The following TRIM16 variants were observed in gnomAD, a reference collection of about 807,000 sequenced individuals.
TRIM16 encodes tripartite motif-containing protein 16.
A neutral mutation model predicts 50.4 loss-of-function variants in TRIM16; 33 were observed. The ratio of observed to expected loss-of-function variants is 0.65; its 90% CI spans 0.50 to 0.88. The LOEUF is 0.88. Among genes scored for constraint, TRIM16 ranks in the 40% least tolerant of loss-of-function variants. TRIM16 has a pLI of 0.00. For synonymous variants in TRIM16, 229 were observed against 270.7 expected (o/e 0.85, Z 1.51); for missense variants, 581 against 686.8 (o/e 0.85, Z 1.72).
Position 15,651,369 on chromosome 17 carries a change from G to A in TRIM16, c.241C>T (p.Leu81Phe). ...EGKEVLCDFC[L>F]DDTRRVKAVK... ...GCCTTCACTCTTCTGGTGTCATCAAGGCAGAAGTCACACAGGACCTCTTTC... is the reference window on the plus strand; with the variant it reads ...GCCTTCACTCTTCTGGTGTCATCAAAGCAGAAGTCACACAGGACCTCTTTC... Residue 81 changes from leucine to phenylalanine, a missense_variant, in exon 7 of 12, where the codon CTT becomes TTT. Transcript: ENST00000649191. 6.2e-7 allele frequency: 1 copy of A among 1,614,212 alleles called. No homozygotes were observed. Among genetic ancestry groups the A allele is most frequent in the Non-Finnish European group, 8.5e-7 (1 of 1,180,038 alleles).
chr17:15,629,756 A>G (rs1424632347), intron 11 of TRIM16, among the ~76,000 whole-genome samples: 1 of 152,188 alleles, frequency 6.6e-6, no homozygotes, highest in African/African-American at 2.4e-5. Context: ...CATTTCTGAC[A>G]TTTGTTTTGC....
Position 15,633,649 on chromosome 17 carries a change from TC to T in TRIM16, c.850-976del, listed in dbSNP as rs1986550974. Among the ~76,000 whole-genome samples the T allele has an allele frequency of 6.2e-5, 9 of 145,656 alleles. 1 individual carries two copies. The South Asian group carries it at 2.0e-3, about 33-fold the overall frequency. On this transcript the variant is annotated intron_variant, in intron 9 of 11. Coordinates refer to ENST00000649191, the MANE Select transcript of TRIM16 (RefSeq NM_001348119.1). ...CTTGCCTGCTAGGTTCAAGCGATTC[TC>T]CTGCCTCAGCCTCCCAAGTGGCTGG...
In TRIM16 at chr17:15,670,550, C is replaced by A. The variant is rs532686124; in HGVS notation, c.-338+6626G>T. 5.2e-3 allele frequency among the ~76,000 whole-genome samples: 789 copies of A among 152,242 alleles called. 1 individual carries two copies. The highest frequency in any genetic ancestry group is 8.8e-3 in the Non-Finnish European group (597 of 68,022). Reference sequence around the variant, plus strand: ...TCCACTGCCCTCACCCCAAATAGCACGGGCATATCATTTAACCTTTCCAGA... The same window carrying A: ...TCCACTGCCCTCACCCCAAATAGCAAGGGCATATCATTTAACCTTTCCAGA... On this transcript the variant is annotated intron_variant, in intron 6 of 11. Coordinates refer to ENST00000649191, the MANE Select transcript of TRIM16 (RefSeq NM_001348119.1).
At chr17:15,653,547 T>A (rs914797979) in intron 6 of TRIM16, among the ~76,000 whole-genome samples, 2 of 152,226 alleles carry the variant, frequency 1.3e-5, no homozygotes. Flanking sequence ...TGCAGATGGC[T>A]TCTCCTATGT....
chr17:15,660,453 A>G (rs1003291419), intron 6 of TRIM16, among the ~76,000 whole-genome samples: 3 of 152,188 alleles, frequency 2.0e-5, no homozygotes, highest in Non-Finnish European at 4.4e-5. Flanking sequence ...GCTGAAAACC[A>G]GATGGTTAAA....
intron 8 of TRIM16, among the ~76,000 whole-genome samples, chr17:15,640,713 A>T (rs1409374482): frequency 6.7e-6 from 1 of 149,120 alleles, no homozygotes; most frequent in Admixed American, 6.6e-5. Flanking sequence ...ACCATTTGGG[A>T]GCGGGGGCAA....
chr17:15,663,434 C>T (rs1055582506), intron 6 of TRIM16, among the ~76,000 whole-genome samples: 1 of 152,130 alleles, frequency 6.6e-6, no homozygotes, highest in Non-Finnish European at 1.5e-5. Context: ...GGAATTCCAC[C>T]TTCCCTTCTA....
At position 15,628,973 on chromosome 17, in the gene TRIM16, C is replaced by T; in HGVS notation, c.1337G>A (p.Cys446Tyr). The T allele has an allele frequency of 6.2e-7, 1 of 1,614,184 alleles. No individual in the cohort carries two copies. Among genetic ancestry groups the T allele is most frequent in the Non-Finnish European group, 8.5e-7 (1 of 1,180,044 alleles). ...FGAGTYVGLT[C>Y]KGIDRKGEER... ...CTCCCCTTTCCGGTCGATGCCTTTG[C>T]AGGTCAGGCCAACATAGGTGCCTGC... The change falls in exon 12 of 12, where the codon TGC (cysteine) becomes TAC (tyrosine). Residue 446 changes from cysteine to tyrosine, a missense_variant. Around this residue, in one of 3 missense-constraint regions of TRIM16, gnomAD observed 450 missense variants for 544.3 expected, o/e 0.83. Transcript: ENST00000649191.
rs570299488 is a variant in TRIM16, at chr17:15,636,929, T to C, written c.616-660A>G. Among the ~76,000 whole-genome samples the C allele has an allele frequency of 1.5e-4, 23 of 149,808 alleles. 1 individual carries two copies. The highest frequency in any genetic ancestry group is 2.1e-4 in the South Asian group (1 of 4,656). ...TGGGGCACATGCATGTGGACTCTTT[T>C]GCATGGTAAGCATCCTCTATGAATG... On this transcript the variant is annotated intron_variant, in intron 8 of 11. Coordinates refer to ENST00000649191, the MANE Select transcript of TRIM16 (RefSeq NM_001348119.1).
intron 3 of TRIM16, among the ~76,000 whole-genome samples, 162 bp downstream of exon 3, chr17:15,682,692 A>G (rs369317392): frequency 2.3e-4 from 35 of 152,210 alleles, no homozygotes; most frequent in African/African-American, 7.9e-4. Flanking sequence ...CTCCATACCT[A>G]TTTCTTTCTT....
intron 9 of TRIM16, among the ~76,000 whole-genome samples, chr17:15,633,540 CTTTT>C (rs555202357): frequency 1.6e-5 from 2 of 128,684 alleles, no homozygotes; most frequent in Non-Finnish European, 3.4e-5. Flanking sequence ...AAATAAATAT[CTTTT>C]TTTTTTTTTT....
At position 15,631,613 on chromosome 17, in the gene TRIM16, A is replaced by C; in HGVS notation, c.1111+6T>G. 6.2e-7 allele frequency: 1 copy of C among 1,613,958 alleles called. No homozygotes were observed. The highest frequency in any genetic ancestry group is 8.5e-7 in the Non-Finnish European group (1 of 1,179,854). Reference sequence around the variant, plus strand: ...ACTGGAGAAGCGGGTGCCGTTCACAACTTACATTGGAGGAACTGTTCCCTG... The same window carrying C: ...ACTGGAGAAGCGGGTGCCGTTCACACCTTACATTGGAGGAACTGTTCCCTG... On this transcript the variant is annotated splice_donor_region_variant and intron_variant, in intron 11 of 11. Transcript: ENST00000649191.
chr17:15,628,561 A>T lies in TRIM16; in HGVS notation c.*54T>A. 1 of 1,501,360 alleles carries T rather than the reference A, an allele frequency of 6.7e-7. No individual in the cohort carries two copies. 93.0% of individuals were successfully genotyped at this position (1,501,360 alleles called of 1,614,324 possible). A position where few individuals can be genotyped will look rare whatever the true frequency, so the allele number is the denominator to read the frequency against. On this transcript the variant is annotated 3_prime_UTR_variant, in exon 12 of 12. Coordinates refer to ENST00000649191, the MANE Select transcript of TRIM16 (RefSeq NM_001348119.1). ...TATTTCTGCCCCCAAATCACCCTAAAATGCAAATCCCATCACTGTAGCTGG... is the reference window on the plus strand; with the variant it reads ...TATTTCTGCCCCCAAATCACCCTAATATGCAAATCCCATCACTGTAGCTGG...
At chr17:15,677,537 C>T in intron 5 of TRIM16, 38 bp downstream of exon 5, 2 of 1,038,040 alleles carry the variant, frequency 1.9e-6, no homozygotes, top group Non-Finnish European at 2.3e-6. Flanking sequence ...CAAAGGTATC[C>T]TGAAAGGTCA....
chr17:15,656,174 C>T (rs1244795052), intron 6 of TRIM16, among the ~76,000 whole-genome samples: 1 of 152,084 alleles, frequency 6.6e-6, no homozygotes, highest in Non-Finnish European at 1.5e-5. Context: ...CCACTAGGCC[C>T]AAGCTCTGAT....
chr17:15,665,484 A>G (rs933140924), intron 6 of TRIM16, among the ~76,000 whole-genome samples: 6 of 152,220 alleles, frequency 3.9e-5, no homozygotes, highest in Non-Finnish European at 7.3e-5. Flanking sequence ...ACTCCAGCCT[A>G]GGCGAGAGTG....
At position 15,631,606 on chromosome 17, in the gene TRIM16, G is replaced by A. The variant is rs752744304; in HGVS notation, c.1111+13C>T. ...ATCAACAACTGGAGAAGCGGGTGCCGTTCACAACTTACATTGGAGGAACTG... is the reference window on the plus strand; with the variant it reads ...ATCAACAACTGGAGAAGCGGGTGCCATTCACAACTTACATTGGAGGAACTG... On this transcript the variant is annotated intron_variant, in intron 11 of 11. Transcript: ENST00000649191. 24 of 1,613,672 alleles carry A rather than the reference G, an allele frequency of 1.5e-5. No homozygotes were observed. The highest frequency in any genetic ancestry group is 8.3e-5 in the Admixed American group (5 of 60,000).
chr17:15,683,276 A>C (rs1456469580), intron 1 of TRIM16, 119 bp from the exon 2 acceptor site: 2 of 809,938 alleles, frequency 2.5e-6, no homozygotes, highest in Non-Finnish European at 3.8e-6. Context: ...CTAAAGCTAA[A>C]CTCAAGAACT....
At chr17:15,648,253 A>C (rs1987510800) in intron 7 of TRIM16, among the ~76,000 whole-genome samples, 1 of 143,174 alleles carries the variant, frequency 7.0e-6, no homozygotes, top group Non-Finnish European at 1.5e-5. Context: ...AAAAACAAAC[A>C]AACAAACAAA....
Sources: gnomAD v4.1 joint callset for allele counts (sites outside exome capture counted in the v4.1 genomes callset) on GRCh38, gnomAD v4.1.1 for gene constraint, gnomAD v4.1.1 regional missense constraint, MANE v1.5 for transcripts, NCBI Gene and HGNC (gene_info 2026-07-23, HGNC 2026-07-21) for gene names.